The following NSMCE2 variants were observed in gnomAD, a reference collection of about 807,000 sequenced individuals.
The protein encoded by NSMCE2 is NSE2 SUMO ligase component of SMC5/6 complex.
In NSMCE2, 24 loss-of-function variants were observed where a neutral mutation model predicts 23.8. The ratio of observed to expected loss-of-function variants is 1.01; its 90% CI spans 0.73 to 1.42. The LOEUF (loss-of-function observed/expected upper bound fraction) is 1.42. NSMCE2 is among the 40% of genes most tolerant of loss of function. The probability of loss-of-function intolerance (pLI) is 0.00; values close to 1 mark genes in which losing one functional copy is unlikely to be tolerated. For missense variants in NSMCE2, 284 were observed against 296.5 expected, an observed-to-expected ratio of 0.96 and a Z score of 0.31; for synonymous variants, 92 against 94.1, an observed-to-expected ratio of 0.98 and a Z score of 0.13.
At chr8:125,196,593 G>A (rs10930904) in intron 5 of NSMCE2, among the ~76,000 whole-genome samples, 1 of 152,122 alleles carries the variant, frequency 6.6e-6, no homozygotes, top group East Asian at 1.9e-4. Flanking sequence ...TCTTAATCCA[G>A]TCTATCATTG....
At chr8:125,265,516 T>TTTGCATTACAATGCAA in intron 5 of NSMCE2, among the ~76,000 whole-genome samples, 1 of 152,322 alleles carries the variant, frequency 6.6e-6, no homozygotes, top group Non-Finnish European at 1.5e-5. Flanking sequence ...CCACTGCACC[T>TTTGCATTACAATGCAA]AGTCTTTTGC....
intron 3 of NSMCE2, among the ~76,000 whole-genome samples, chr8:125,108,668 G>A (rs1412624388): frequency 6.6e-6 from 1 of 152,204 alleles, no homozygotes; most frequent in Non-Finnish European, 1.5e-5. Flanking sequence ...AGTAAAATTT[G>A]AGGGTCAGAA....
rs188520011 is a variant in NSMCE2 at position 125,151,159 on chromosome 8, T to A, written c.158-12T>A. 6 of 1,474,458 alleles carry A rather than the reference T, an allele frequency of 4.1e-6. No individual in the cohort carries two copies. In the Admixed American group the frequency reaches 1.0e-4, roughly 26 times the overall value. 91.3% of individuals were successfully genotyped at this position (1,474,458 alleles called of 1,614,324 possible). ...AATGGAAAATAATAATTGCAATTTT[T>A]TTTTCTTTCAGCTGAAGTGAGTAGT... On this transcript the variant is annotated splice_polypyrimidine_tract_variant and intron_variant, in intron 3 of 7. Transcript: ENST00000287437.
intron 3 of NSMCE2, among the ~76,000 whole-genome samples, chr8:125,143,951 G>T (rs191383422): frequency 6.6e-6 from 1 of 152,276 alleles, no homozygotes; most frequent in Non-Finnish European, 1.5e-5. Flanking sequence ...GGACCTTGTG[G>T]CTGAGATCAT....
chr8:125,255,374 A>G lies in NSMCE2; in HGVS notation c.418+73118A>G, dbSNP rs114377590. Reference sequence around the variant, plus strand: ...ACAATTTTGAAGCAATGTAGATTACAATGACAGTGATATTTACTACGTATC... The same window carrying G: ...ACAATTTTGAAGCAATGTAGATTACGATGACAGTGATATTTACTACGTATC... On this transcript the variant is annotated intron_variant, in intron 5 of 7. Coordinates refer to ENST00000287437, the MANE Select transcript of NSMCE2 (RefSeq NM_173685.4). 3.7e-3 allele frequency among the ~76,000 whole-genome samples: 564 copies of G among 152,302 alleles called. 6 individuals are homozygous for G. Among genetic ancestry groups the G allele is most frequent in the Non-Finnish European group, 5.5e-3 (372 of 68,020 alleles).
At chr8:125,227,421 C>T (rs1177388102) in intron 5 of NSMCE2, among the ~76,000 whole-genome samples, 1 of 152,166 alleles carries the variant, frequency 6.6e-6, no homozygotes, top group African/African-American at 2.4e-5. Context: ...AGGGCCTTCC[C>T]CTCCAGAGCC....
intron 3 of NSMCE2, among the ~76,000 whole-genome samples, chr8:125,119,309 CCT>C (rs1199779216): frequency 1.3e-5 from 2 of 152,192 alleles, no homozygotes; most frequent in Non-Finnish European, 2.9e-5. Flanking sequence ...GCTGTGTTCC[CCT>C]GTTTGCTAAG....
chr8:125,132,906 A>T (rs1819845661), intron 3 of NSMCE2, among the ~76,000 whole-genome samples: 1 of 152,180 alleles, frequency 6.6e-6, no homozygotes, highest in Non-Finnish European at 1.5e-5. Flanking sequence ...AGATTTATAG[A>T]CCCTTAGGCC....
intron 5 of NSMCE2, among the ~76,000 whole-genome samples, chr8:125,217,335 T>A (rs1010360500): frequency 6.6e-6 from 1 of 151,364 alleles, no homozygotes; most frequent in Non-Finnish European, 1.5e-5. Flanking sequence ...TTTTAAAAAA[T>A]TTTATTTATT....
At chr8:125,244,847 A>G (rs769846036) in intron 5 of NSMCE2, among the ~76,000 whole-genome samples, 1 of 152,230 alleles carries the variant, frequency 6.6e-6, no homozygotes, top group Non-Finnish European at 1.5e-5. Context: ...CGCACACAAA[A>G]AAAGATATAG....
At chr8:125,362,225 C>G (rs1397405269) in intron 7 of NSMCE2, among the ~76,000 whole-genome samples, 1 of 152,202 alleles carries the variant, frequency 6.6e-6, no homozygotes, top group Non-Finnish European at 1.5e-5. Flanking sequence ...CTTACGGAGA[C>G]AGTTGTTTCT....
intron 5 of NSMCE2, among the ~76,000 whole-genome samples, chr8:125,322,135 A>C (rs1829482613): frequency 6.6e-6 from 1 of 152,152 alleles, no homozygotes; most frequent in Non-Finnish European, 1.5e-5. Flanking sequence ...GGGAAGCTAA[A>C]GTGGGAGAGT....
chr8:125,345,576 A>C (rs748845662), intron 5 of NSMCE2, among the ~76,000 whole-genome samples: 14 of 152,336 alleles, frequency 9.2e-5, no homozygotes, highest in Admixed American at 2.0e-4. Context: ...GAAGATAGAG[A>C]AGTAAACAAA....
intron 3 of NSMCE2, among the ~76,000 whole-genome samples, chr8:125,104,093 C>T (rs965994108): frequency 6.6e-6 from 1 of 151,446 alleles, no homozygotes; most frequent in Non-Finnish European, 1.5e-5. Context: ...CGGGTTCAAG[C>T]GATTCTCCTG....
chr8:125,182,274 G>T lies in NSMCE2; in HGVS notation c.418+18G>T. ...GAAGCAATGTAAGTCAACATGCTTT[G>T]CTTTGGTTCGGCTTTTTGAAATTAG... On this transcript the variant is annotated intron_variant, in intron 5 of 7. Transcript: ENST00000287437. 6.3e-7 allele frequency: 1 copy of T among 1,587,948 alleles called. No homozygotes were observed. The highest frequency in any genetic ancestry group is 8.6e-7 in the Non-Finnish European group (1 of 1,167,358).
chr8:125,137,272 C>T (rs1820118541), intron 3 of NSMCE2, among the ~76,000 whole-genome samples: 1 of 152,102 alleles, frequency 6.6e-6, no homozygotes, highest in Admixed American at 6.6e-5. Flanking sequence ...GAGATTACAG[C>T]CTGTCATCAT....
At chr8:125,357,411 A>C in intron 6 of NSMCE2, 92 bp downstream of exon 6, 1 of 906,856 alleles carries the variant, frequency 1.1e-6, no homozygotes, top group East Asian at 2.5e-5. Context: ...GATTTCACTT[A>C]GGGAGTTAAG....
At chr8:125,186,610 A>G (rs1418228344) in intron 5 of NSMCE2, among the ~76,000 whole-genome samples, 1 of 152,222 alleles carries the variant, frequency 6.6e-6, no homozygotes, top group Non-Finnish European at 1.5e-5. Context: ...AAAGCAAAGA[A>G]AACATCAGAA....
At chr8:125,162,901 G>A (rs1272967095) in intron 4 of NSMCE2, among the ~76,000 whole-genome samples, 1 of 152,132 alleles carries the variant, frequency 6.6e-6, no homozygotes, top group African/African-American at 2.4e-5. Context: ...TTTTCATAAA[G>A]GTTTATTCCT....
Sources: allele counts gnomAD v4.1 joint callset (sites outside exome capture counted in the v4.1 genomes callset), GRCh38; gene constraint gnomAD v4.1.1; transcripts MANE v1.5; gene names NCBI Gene and HGNC (gene_info 2026-07-23, HGNC 2026-07-21).